ADAM33: variants seen among roughly 807,000 people sequenced by gnomAD.
The protein encoded by ADAM33 is ADAM metallopeptidase domain 33.
In ADAM33, 103 loss-of-function variants were observed where a neutral mutation model predicts 106.2. The ratio of observed to expected loss-of-function variants is 0.97; its 90% CI spans 0.83 to 1.14. The LOEUF (loss-of-function observed/expected upper bound fraction) is 1.14. Among genes scored for constraint, ADAM33 ranks in the 50% most tolerant of loss-of-function variants. ADAM33 has a pLI of 0.00. For missense variants in ADAM33, 1,120 were observed against 1,096.6 expected (o/e 1.02, Z -0.30); for synonymous variants, 483 against 453.0 (o/e 1.07, Z -0.84).
At position 3,671,505 on chromosome 20, in the gene ADAM33, A is replaced by G. The variant is rs969637355; in HGVS notation, c.1906-9T>C. On this transcript the variant is annotated splice_polypyrimidine_tract_variant and intron_variant, in intron 16 of 21. Transcript: ENST00000356518. The stretch of plus-strand genomic sequence containing the variant: ...CGCCTGCTCTGGCACACCTACGGGC[A>G]GTGCACCAGGCAGTGAGGGGGACAC... The G allele has an allele frequency of 6.2e-7, 1 of 1,606,860 alleles. No homozygotes were observed. Among genetic ancestry groups the G allele is most frequent in the Non-Finnish European group, 8.5e-7 (1 of 1,175,138 alleles).
intron 1 of ADAM33, among the ~76,000 whole-genome samples, chr20:3,680,865 A>AGAGCTGGAGCTG (rs976280429): frequency 3.3e-5 from 5 of 152,170 alleles, no homozygotes; most frequent in Non-Finnish European, 7.4e-5. Context: ...AGAGAGGGGC[A>AGAGCTGGAGCTG]GAGCTGGAGC....
Position 3,671,934 on chromosome 20 carries a change from T to G in ADAM33, c.1649A>C (p.Asp550Ala), listed in dbSNP as rs2087563144. The G allele has an allele frequency of 7.1e-6, 11 of 1,556,058 alleles. No homozygotes were observed. Among genetic ancestry groups the G allele is most frequent in the Non-Finnish European group, 9.6e-6 (11 of 1,149,476 alleles). ...ACFQVVNSAG[D>A]AHGNCGQDSE... ...GTCCTGGCCGCAGTTTCCATGAGCA[T>G]CTCCCGCAGAGTTCACCACCTGGAA... Residue 550 changes from aspartate to alanine, a missense_variant, in exon 15 of 22, where the codon GAT becomes GCT. Physicochemically the swap from Asp to Ala is moderately radical, Grantham distance 126. Coordinates refer to ENST00000356518, the MANE Select transcript of ADAM33 (RefSeq NM_025220.5).
intron 14 of ADAM33, 25 bp downstream of exon 14, chr20:3,672,109 T>G (rs929143262): frequency 6.2e-7 from 1 of 1,603,900 alleles, no homozygotes; most frequent in Non-Finnish European, 8.5e-7. Flanking sequence ...GGGGGCAGGG[T>G]GCAAGGGTGC....
chr20:3,680,832 G>C (rs575979243), intron 1 of ADAM33, among the ~76,000 whole-genome samples: 1 of 152,156 alleles, frequency 6.6e-6, no homozygotes, highest in Non-Finnish European at 1.5e-5. Context: ...TGCTGGCCAC[G>C]GGCACCCTGA....
In ADAM33 at chr20:3,673,671, C is replaced by G; in HGVS notation, c.906-13G>C. Reference sequence around the variant, plus strand: ...GAAGGCGCGGCCCCTGGGGGCGGAGCGCGGCGTGACCAGGCGGGGCCGGGA... The same window carrying G: ...GAAGGCGCGGCCCCTGGGGGCGGAGGGCGGCGTGACCAGGCGGGGCCGGGA... On this transcript the variant is annotated splice_polypyrimidine_tract_variant and intron_variant, in intron 9 of 21. Transcript: ENST00000356518. 3.0e-6 allele frequency: 4 copies of G among 1,347,288 alleles called. No individual in the cohort carries two copies. Among genetic ancestry groups the G allele is most frequent in the Non-Finnish European group, 3.8e-6 (4 of 1,056,546 alleles). 83.5% of individuals were successfully genotyped at this position (1,347,288 alleles called of 1,614,324 possible).
chr20:3,676,669 C>G (rs942774270), intron 3 of ADAM33, among the ~76,000 whole-genome samples: 5 of 152,160 alleles, frequency 3.3e-5, no homozygotes, highest in Non-Finnish European at 5.9e-5. Flanking sequence ...AAACTCCTGA[C>G]CTCAGGTGAG....
In ADAM33 at chr20:3,671,098, T is replaced by C; in HGVS notation, c.2148A>G (p.Pro716=). 6.3e-7 allele frequency: 1 copy of C among 1,598,048 alleles called. No homozygotes were observed. The highest frequency in any genetic ancestry group is 8.5e-7 in the Non-Finnish European group (1 of 1,172,454). The change falls in exon 19 of 22, where the codon CCA becomes CCG. Residue 716 remains proline (P), a synonymous_variant. Transcript: ENST00000356518. The part of the protein sequence containing the change: ...MLLSVLLPLL[P]GAGLAWCCYR... ...AGCAACACCAGGCCAGGCCGGCCCC[T>C]GGGAGCAGAGGCAGCAGGACGCTGA...
rs547715773 is a variant in ADAM33 at position 3,674,382 on chromosome 20, G to C, written c.601-98C>G. 5.9e-4 allele frequency: 940 copies of C among 1,602,982 alleles called. 7 individuals are homozygous for C. The African/African-American group carries it at 0.012, about 20-fold the overall frequency. On this transcript the variant is annotated intron_variant, in intron 6 of 21. Coordinates refer to ENST00000356518, the MANE Select transcript of ADAM33 (RefSeq NM_025220.5). ...AGAAGGAAGTTTAACATGTTTTCTG[G>C]AACTTGTTTCTTCAGACTTCAATAA...
Position 3,673,651 on chromosome 20 carries a change from C to A in ADAM33, c.913G>T (p.Ala305Ser). Reference sequence around the variant, plus strand: ...AGGCCCACTGTGGCGCCCTGGAAGGCGCGGCCCCTGGGGGCGGAGCGCGGC... The same window carrying A: ...AGGCCCACTGTGGCGCCCTGGAAGGAGCGGCCCCTGGGGGCGGAGCGCGGC... ...HDSAQLLTGR[A>S]FQGATVGLAP... The change falls in exon 10 of 22, where the codon GCC (alanine) becomes TCC (serine). Residue 305 changes from alanine to serine, a missense_variant. Transcript: ENST00000356518. 7.4e-7 allele frequency: 1 copy of A among 1,347,024 alleles called. No homozygotes were observed. The allele number at this position is 1,347,024 out of a possible 1,614,324, so 83.4% of individuals were successfully genotyped here.
At chr20:3,669,996 C>T (rs2087426145) in intron 19 of ADAM33, 5 of 443,708 alleles carry the variant, frequency 1.1e-5, no homozygotes, top group African/African-American at 2.0e-5. Flanking sequence ...CCCCTGGGTG[C>T]CCTGCTGCCC....
chr20:3,672,353 G>C (rs1363288046), intron 13 of ADAM33, 24 bp from the exon 14 acceptor site: 1 of 1,608,384 alleles, frequency 6.2e-7, no homozygotes, highest in African/African-American at 1.3e-5. Flanking sequence ...GGGTGGTGGG[G>C]AAGGCAGAGA....
intron 2 of ADAM33, among the ~76,000 whole-genome samples, chr20:3,678,959 T>A (rs2088206929): frequency 6.6e-6 from 1 of 151,974 alleles, no homozygotes; most frequent in Non-Finnish European, 1.5e-5. Flanking sequence ...TGGGGTGGTC[T>A]TACATCTGGG....
Position 3,671,410 on chromosome 20 carries a change from G to A in ADAM33, c.1983+9C>T. 10 of 1,612,182 alleles carry A rather than the reference G, an allele frequency of 6.2e-6. No homozygotes were observed. The highest frequency in any genetic ancestry group is 8.5e-6 in the Non-Finnish European group (10 of 1,178,782). ...ACCCCAAGGTCACCCCCACTCCTCG[G>A]GCTCTCACCCCGTGGCTGTGGCAGG... is the stretch of plus-strand genomic sequence containing the variant. On this transcript the variant is annotated intron_variant, in intron 17 of 21. Transcript: ENST00000356518.
intron 2 of ADAM33, among the ~76,000 whole-genome samples, chr20:3,678,671 T>C (rs2088183638): frequency 6.6e-6 from 1 of 151,992 alleles, no homozygotes; most frequent in Non-Finnish European, 1.5e-5. Flanking sequence ...AAGAGGGCTC[T>C]CTAGGAGGGG....
At position 3,671,447 on chromosome 20, in the gene ADAM33, C is replaced by T. The variant is rs150290195; in HGVS notation, c.1955G>A (p.Arg652His). 429 of 1,612,336 alleles carry T rather than the reference C, an allele frequency of 2.7e-4. No individual in the cohort carries two copies. The highest frequency in any genetic ancestry group is 3.3e-4 in the Non-Finnish European group (393 of 1,179,236). ...GTGGCTGTGGCAGGCAGTCAGGCAG[C>T]GCTGAAGCTCCTGGAAGGCATTCTT... ...CRKNAFQELQ[R>H]CLTACHSHGV... The change falls in exon 17 of 22, where the codon CGC (arginine) becomes CAC (histidine). Residue 652 changes from arginine (R) to histidine (H), a missense_variant. Coordinates refer to ENST00000356518, the MANE Select transcript of ADAM33 (RefSeq NM_025220.5).
intron 11 of ADAM33, chr20:3,673,100 T>A: frequency 6.9e-7 from 1 of 1,452,890 alleles, no homozygotes; most frequent in Non-Finnish European, 9.0e-7. Flanking sequence ...CAAGGTGGAA[T>A]CGCGACCCGA....
intron 2 of ADAM33, among the ~76,000 whole-genome samples, chr20:3,679,136 C>CCTTTT: frequency 1.3e-5 from 1 of 78,244 alleles, no homozygotes; most frequent in African/African-American, 4.9e-5. Context: ...CTTTTTGGTG[C>CCTTTT]TTTTTTTTTT....
rs2087920579 is a variant in ADAM33, at chr20:3,675,971, AAAG to A, written c.255-869_255-867del. On this transcript the variant is annotated intron_variant, in intron 3 of 21. Coordinates refer to ENST00000356518, the MANE Select transcript of ADAM33 (RefSeq NM_025220.5). This position sits in a 1 kb window ranked among gnomAD's most constrained non-coding sequence, Gnocchi z 4.1. ...GGTAGGTGATGTGACCACCCCATTG[AAAG>A]GGTAGGGACGTCGGGAAAATATGGT... is the stretch of plus-strand genomic sequence containing the variant. Among the ~76,000 whole-genome samples the A allele has an allele frequency of 6.6e-6, 1 of 151,686 alleles. No homozygotes were observed. The highest frequency in any genetic ancestry group is 2.4e-5 in the African/African-American group (1 of 41,268).
rs2087335675 is a variant in ADAM33 at position 3,668,546 on chromosome 20, G to GC, written c.*416dup. On this transcript the variant is annotated 3_prime_UTR_variant, in exon 22 of 22. Transcript: ENST00000356518. ...AGTGTGGACTCAGTCGAACCATAGG[G>GC]CCCCAGGACCACTAGCTTCTGGCCA... The GC allele has an allele frequency of 4.2e-6, 1 of 240,916 alleles. No individual in the cohort carries two copies. The highest frequency in any genetic ancestry group is 4.8e-5 in the Admixed American group (1 of 20,764). 14.9% of individuals were successfully genotyped at this position (240,916 alleles called of 1,614,324 possible). A position where few individuals can be genotyped will look rare whatever the true frequency, so the allele number is the denominator to read the frequency against.
Sources: gnomAD v4.1 joint callset for allele counts (sites outside exome capture counted in the v4.1 genomes callset) on GRCh38, gnomAD v4.1.1 for gene constraint, Gnocchi (gnomAD v3.1) non-coding constraint, MANE v1.5 for transcripts, NCBI Gene and HGNC (gene_info 2026-07-23, HGNC 2026-07-21) for gene names.